The following ADCY5 variants were observed in gnomAD, a reference collection of about 807,000 sequenced individuals.
The protein encoded by ADCY5 is adenylate cyclase 5, also known as adenylate cyclase type 5.
Under a neutral mutation model 119.7 loss-of-function variants are expected in ADCY5, and 30 were observed. The observed-to-expected ratio is 0.25, with a 90% CI of 0.19 to 0.34. The LOEUF (loss-of-function observed/expected upper bound fraction) is 0.34, where lower values mean the gene tolerates loss of function less well. Ranked by LOEUF, ADCY5 falls within the 10% of genes least tolerant of loss-of-function variation. The pLI is 1.00. For missense variants in ADCY5, 1,324 were observed against 1,775.2 expected, an observed-to-expected ratio of 0.75 and a Z score of 4.57; for synonymous variants, 753 against 762.2, an observed-to-expected ratio of 0.99 and a Z score of 0.20.
At position 123,304,145 on chromosome 3, in the gene ADCY5, G is replaced by A. The variant is rs75494273; in HGVS notation, c.2481C>T (p.Ile827=). 6 of 1,401,248 alleles carry A rather than the reference G, an allele frequency of 4.3e-6. No individual in the cohort carries two copies. The highest frequency in any genetic ancestry group is 1.9e-5 in the Admixed American group (1 of 52,944). The allele number at this position is 1,401,248 out of a possible 1,614,324, so 86.8% of individuals were successfully genotyped here. A position where few individuals can be genotyped will look rare whatever the true frequency, so the allele number is the denominator to read the frequency against. Residue 827 remains isoleucine, a synonymous_variant, in exon 13 of 21, where the codon ATC becomes ATT. Coordinates refer to ENST00000462833, the MANE Select transcript of ADCY5 (RefSeq NM_183357.3). ...PSPLQTLSRK[I]VRSKMNSTLV... ...GGGTGCTGTTCATCTTGGACCGCACGATCTTCCTGGAGAGGGTCTGCAGTG... is the reference window on the plus strand; with the variant it reads ...GGGTGCTGTTCATCTTGGACCGCACAATCTTCCTGGAGAGGGTCTGCAGTG...
chr3:123,440,530 T>G (rs765306723), intron 1 of ADCY5, among the ~76,000 whole-genome samples: 1 of 150,982 alleles, frequency 6.6e-6, no homozygotes, highest in Non-Finnish European at 1.5e-5. Context: ...TTCCAAGTCC[T>G]TACCCTCCTC....
intron 1 of ADCY5, among the ~76,000 whole-genome samples, chr3:123,377,129 G>A (rs1025518795): frequency 1.3e-5 from 2 of 152,170 alleles, no homozygotes; most frequent in Non-Finnish European, 2.9e-5. Flanking sequence ...CAGCAGCCAC[G>A]ATGATCTTCT....
chr3:123,373,518 A>G (rs1466606909), intron 1 of ADCY5, among the ~76,000 whole-genome samples: 4 of 152,250 alleles, frequency 2.6e-5, no homozygotes, highest in East Asian at 1.9e-4. Context: ...GCCCCCATCC[A>G]TAGGGTCTCA....
In ADCY5 at chr3:123,285,180, C is replaced by T. The variant is rs546086568; in HGVS notation, c.3658-444G>A. On this transcript the variant is annotated intron_variant, in intron 20 of 20. Transcript: ENST00000462833. The stretch of plus-strand genomic sequence containing the variant: ...GACAGATCAGAACGATTTTTAAAAG[C>T]TGCTTTTTTCACCACAGGTCGTTTG... Among the ~76,000 whole-genome samples the T allele has an allele frequency of 4.2e-4, 64 of 152,306 alleles. No individual in the cohort carries two copies. In the East Asian group the frequency reaches 0.012, roughly 28 times the overall value.
intron 8 of ADCY5, among the ~76,000 whole-genome samples, chr3:123,323,445 T>A (rs1163519021): frequency 1.3e-5 from 2 of 152,144 alleles, no homozygotes; most frequent in Non-Finnish European, 2.9e-5. Flanking sequence ...CCAAGGATTC[T>A]GAACAGAAAG....
chr3:123,447,786 G>C lies in ADCY5; in HGVS notation c.760C>G (p.Leu254Val), dbSNP rs991554464. 6 of 1,611,118 alleles carry C rather than the reference G, an allele frequency of 3.7e-6. No homozygotes were observed. Among genetic ancestry groups the C allele is most frequent in the Admixed American group, 3.3e-5 (2 of 59,848 alleles). The change falls in exon 1 of 21, where the codon CTG becomes GTG. Residue 254 changes from leucine (L) to valine (V), a missense_variant. Physicochemically the swap from Leu to Val is conservative, Grantham distance 32 (BLOSUM62 1). Around this residue, in one of 6 missense-constraint regions of ADCY5, gnomAD observed 585 missense variants for 569.9 expected, o/e 1.03. Transcript: ENST00000462833. ...GCCGCGTGGAAGGCCAACATGACCA[G>C]GCACACGAGCACCAGCACGGCCATG... ...MLMAVLVLVCLVMLAFHAARP... is the reference protein window; with the variant it reads ...MLMAVLVLVCVVMLAFHAARP...
At chr3:123,362,353 G>C (rs556955464) in intron 1 of ADCY5, among the ~76,000 whole-genome samples, 1 of 152,248 alleles carries the variant, frequency 6.6e-6, no homozygotes, top group South Asian at 2.1e-4. Flanking sequence ...AGTCATCCTA[G>C]CAGGAGTGAG....
intron 1 of ADCY5, among the ~76,000 whole-genome samples, chr3:123,386,765 A>G (rs1944238129): frequency 6.6e-6 from 1 of 151,856 alleles, no homozygotes. Context: ...CTTTCTTCCC[A>G]CGCTGCCTGC....
intron 1 of ADCY5, among the ~76,000 whole-genome samples, chr3:123,406,733 G>A (rs371276328): frequency 6.6e-6 from 1 of 152,144 alleles, no homozygotes; most frequent in Non-Finnish European, 1.5e-5. Flanking sequence ...GGACAAGGAC[G>A]CTTGGCCGAC....
chr3:123,403,145 C>T (rs950304630), intron 1 of ADCY5, among the ~76,000 whole-genome samples: 8 of 152,090 alleles, frequency 5.3e-5, no homozygotes, highest in East Asian at 3.9e-4. Context: ...TTCGGGGGGC[C>T]GCGGCAGGCA....
Position 123,448,783 on chromosome 3 carries a change from G to C in ADCY5, c.-238C>G. On this transcript the variant is annotated 5_prime_UTR_variant, in exon 1 of 21. Transcript: ENST00000462833. ...CGTCAGAAGTCCCAGGTCCGAAATG[G>C]AGTTGCCTCCGAGGTGGGGTCGCAG... 1 of 392,096 alleles carries C rather than the reference G, an allele frequency of 2.6e-6. No individual in the cohort carries two copies. The highest frequency in any genetic ancestry group is 4.5e-5 in the Admixed American group (1 of 22,348). 24.3% of individuals were successfully genotyped at this position (392,096 alleles called of 1,614,324 possible). A position where few individuals can be genotyped will look rare whatever the true frequency, so the allele number is the denominator to read the frequency against.
At position 123,332,722 on chromosome 3, in the gene ADCY5, T is replaced by G. The variant is rs559857741; in HGVS notation, c.1407-47A>C. ...AAGACCCTGCTATAGGCTGAATCTT[T>G]GTGTCTCCCAAATTCATACATTACA... is the stretch of plus-strand genomic sequence containing the variant. On this transcript the variant is annotated intron_variant, in intron 3 of 20. Coordinates refer to ENST00000462833, the MANE Select transcript of ADCY5 (RefSeq NM_183357.3). The G allele has an allele frequency of 8.9e-5, 112 of 1,261,912 alleles. 1 individual carries two copies. Among genetic ancestry groups the G allele is most frequent in the South Asian group, 3.7e-4 (30 of 82,046 alleles). 78.2% of individuals were successfully genotyped at this position (1,261,912 alleles called of 1,614,324 possible). A position where few individuals can be genotyped will look rare whatever the true frequency, so the allele number is the denominator to read the frequency against.
rs969403114 is a variant in ADCY5, at chr3:123,283,661, AACAC to A, written c.*943_*946del. On this transcript the variant is annotated 3_prime_UTR_variant, in exon 21 of 21. Coordinates refer to ENST00000462833, the MANE Select transcript of ADCY5 (RefSeq NM_183357.3). ...TGTGTGAGACCAGTTCCACAGCATGAACACACACACATATACACCAGTACATACA... is the reference window on the plus strand; with the variant it reads ...TGTGTGAGACCAGTTCCACAGCATGAACACACATATACACCAGTACATACA... The A allele has an allele frequency of 6.6e-6, 1 of 152,202 alleles. No individual in the cohort carries two copies. Among genetic ancestry groups the A allele is most frequent in the Non-Finnish European group, 1.5e-5 (1 of 68,050 alleles). The allele number at this position is 152,202 out of a possible 1,614,324, so 9.4% of individuals were successfully genotyped here. A position where few individuals can be genotyped will look rare whatever the true frequency, so the allele number is the denominator to read the frequency against.
At chr3:123,319,907 CG>C (rs1576567941) in intron 9 of ADCY5, 89 bp from the exon 10 acceptor site, 2 of 1,528,150 alleles carry the variant, frequency 1.3e-6, no homozygotes, top group Non-Finnish European at 1.8e-6. Flanking sequence ...CCCAGACTCT[CG>C]GAGAGGCCTG....
At chr3:123,380,137 A>C (rs577419349) in intron 1 of ADCY5, among the ~76,000 whole-genome samples, 1 of 152,228 alleles carries the variant, frequency 6.6e-6, no homozygotes, top group Non-Finnish European at 1.5e-5. Context: ...TCTCAGAAAC[A>C]GGGAGTCCAG....
In ADCY5 at chr3:123,341,840, C is replaced by T. The variant is rs532473076; in HGVS notation, c.1406+5942G>A. On this transcript the variant is annotated intron_variant, in intron 3 of 20. Coordinates refer to ENST00000462833, the MANE Select transcript of ADCY5 (RefSeq NM_183357.3). ...CATACTGGCAGGCTGTATATAGTAG[C>T]AGCTCAGTAAATGTTTGTGGAATGA... 3.3e-5 allele frequency among the ~76,000 whole-genome samples: 5 copies of T among 152,044 alleles called. No homozygotes were observed. The South Asian group carries it at 1.0e-3, about 32-fold the overall frequency.
chr3:123,395,677 A>C (rs1944518226), intron 1 of ADCY5, among the ~76,000 whole-genome samples: 2 of 151,990 alleles, frequency 1.3e-5, no homozygotes, highest in Non-Finnish European at 2.9e-5. Context: ...CAGGAGTTCA[A>C]GACTAGCCTT....
chr3:123,380,122 AG>A (rs1386089960), intron 1 of ADCY5, among the ~76,000 whole-genome samples: 1 of 152,202 alleles, frequency 6.6e-6, no homozygotes. Context: ...GTCCCTCCCC[AG>A]TCTTCTCAGA....
intron 4 of ADCY5, among the ~76,000 whole-genome samples, chr3:123,332,238 A>C (rs1240858494): frequency 6.6e-6 from 1 of 152,210 alleles, no homozygotes; most frequent in Non-Finnish European, 1.5e-5. Context: ...CAAACAGCTT[A>C]TTCCCCTGGG....
Sources: gnomAD v4.1 joint callset for allele counts (sites outside exome capture counted in the v4.1 genomes callset) on GRCh38, gnomAD v4.1.1 for gene constraint, gnomAD v4.1.1 regional missense constraint, MANE v1.5 for transcripts, NCBI Gene and HGNC (gene_info 2026-07-23, HGNC 2026-07-21) for gene names.